BCAR1: variants seen among roughly 807,000 people sequenced by gnomAD.
BCAR1 encodes BCAR1 scaffold protein, Cas family member.
A neutral mutation model predicts 67.6 loss-of-function variants in BCAR1; 30 were observed. That is an observed-to-expected ratio of 0.44 (90% CI 0.33 to 0.60). The LOEUF (loss-of-function observed/expected upper bound fraction) is 0.60. BCAR1 is among the 20% of genes least tolerant of loss of function. The pLI is 0.02. For synonymous variants in BCAR1, 626 were observed against 556.7 expected (o/e 1.12, Z -1.75); for missense variants, 1,313 against 1,222.3 (o/e 1.07, Z -1.11).
intron 1 of BCAR1, among the ~76,000 whole-genome samples, chr16:75,265,555 G>C (rs1485787294): frequency 6.6e-6 from 1 of 151,926 alleles, no homozygotes; most frequent in African/African-American, 2.4e-5. Context: ...GAGTCTTCCC[G>C]ACCTAGCCAT....
chr16:75,251,330 AAGG>A, intron 1 of BCAR1, 138 bp downstream of exon 1: 1 of 1,194,986 alleles, frequency 8.4e-7, no homozygotes, highest in Non-Finnish European at 1.1e-6. Flanking sequence ...GCCAGGGCAG[AAGG>A]AGATCCCAGG....
chr16:75,237,519 G>T, intron 2 of BCAR1, 175 bp from the exon 3 acceptor site: 1 of 736,820 alleles, frequency 1.4e-6, no homozygotes, highest in Non-Finnish European at 2.0e-6. Context: ...CCTTCCTCTA[G>T]CAGAACGCAG....
At chr16:75,234,279 T>C (rs992434968) in intron 5 of BCAR1, among the ~76,000 whole-genome samples, 2 of 151,838 alleles carry the variant, frequency 1.3e-5, no homozygotes, top group South Asian at 2.1e-4. Flanking sequence ...GGTGGCTTCC[T>C]AGGAAGCAAC....
chr16:75,262,202 G>A (rs1013644871), intron 1 of BCAR1, among the ~76,000 whole-genome samples: 1 of 152,196 alleles, frequency 6.6e-6, no homozygotes, highest in African/African-American at 2.4e-5. Context: ...TGAGATCCCA[G>A]GCTCTGCACG....
In BCAR1 at chr16:75,229,983, G is replaced by A. The variant is rs1264568261; in HGVS notation, c.2141C>T (p.Pro714Leu). The change falls in exon 7 of 7, where the codon CCC (proline) becomes CTC (leucine). Residue 714 changes from proline (P) to leucine (L), a missense_variant. Coordinates refer to ENST00000162330, the MANE Select transcript of BCAR1 (RefSeq NM_014567.5). ...CCAGTTGGCCAGGTCGTGGTCTATGGGCCGTGACACCTCCTGTTCCAGTCG... is the reference window on the plus strand; with the variant it reads ...CCAGTTGGCCAGGTCGTGGTCTATGAGCCGTGACACCTCCTGTTCCAGTCG... ...FERLEQEVSR[P>L]IDHDLANWTP... is the part of the protein sequence containing the mutation. 1.3e-6 allele frequency: 2 copies of A among 1,572,512 alleles called. No homozygotes were observed. The highest frequency in any genetic ancestry group is 1.7e-6 in the Non-Finnish European group (2 of 1,157,014).
At position 75,250,712 on chromosome 16, in the gene BCAR1, C is replaced by T. The variant is rs528498719; in HGVS notation, c.12+759G>A. 9.4e-4 allele frequency: 926 copies of T among 985,544 alleles called. 2 individuals carry two copies. The highest frequency in any genetic ancestry group is 4.7e-3 in the Middle Eastern group (9 of 1,914). 61.0% of individuals were successfully genotyped at this position (985,544 alleles called of 1,614,324 possible). ...CTCTCGGACCCTCGAGAGGGAGCTC[C>T]GACCCTGCTCTAGCTCTTGCGGGTC... On this transcript the variant is annotated intron_variant, in intron 1 of 6. Transcript: ENST00000162330.
chr16:75,248,029 A>C (rs1379828560), intron 1 of BCAR1: 1 of 1,404,980 alleles, frequency 7.1e-7, no homozygotes, highest in East Asian at 2.3e-5. Flanking sequence ...TTAACCCTCA[A>C]AACAACCCCA....
At chr16:75,236,146 A>ACG (rs2077125995) in intron 4 of BCAR1, 160 bp from the exon 5 acceptor site, 2 of 880,208 alleles carry the variant, frequency 2.3e-6, no homozygotes, top group South Asian at 1.8e-5. Flanking sequence ...ATGCAGAGGC[A>ACG]CGCACACAGG....
At chr16:75,232,541 C>A (rs999576916) in intron 6 of BCAR1, among the ~76,000 whole-genome samples, 4 of 152,210 alleles carry the variant, frequency 2.6e-5, no homozygotes, top group Non-Finnish European at 5.9e-5. Context: ...AGTGATCCTC[C>A]TGCCTCAGCC....
chr16:75,253,106 C>T (rs567199365), upstream of BCAR1, among the ~76,000 whole-genome samples: 1 of 151,730 alleles, frequency 6.6e-6, no homozygotes, highest in African/African-American at 2.4e-5. Context: ...TGTGCCTCCC[C>T]GACACAGCCC....
At chr16:75,255,537 A>T (rs757877060), upstream of BCAR1, among the ~76,000 whole-genome samples, 17 of 152,038 alleles carry the variant, frequency 1.1e-4, no homozygotes, top group Non-Finnish European at 2.1e-4. Flanking sequence ...CTCTACTAAA[A>T]ATACAAAAAT....
intron 1 of BCAR1, chr16:75,248,299 C>T (rs931449251): frequency 2.9e-6 from 4 of 1,403,490 alleles, no homozygotes; most frequent in African/African-American, 2.9e-5. Flanking sequence ...CACAGAGCCT[C>T]GCACATAGCA....
At position 75,235,057 on chromosome 16, in the gene BCAR1, C is replaced by A; in HGVS notation, c.1842G>T (p.Gly614=). Residue 614 remains glycine, a synonymous_variant, in exon 5 of 7, where the codon GGG becomes GGT. Transcript: ENST00000162330. The part of the protein sequence containing the change: ...LFRRTKATAP[G]PEGGGTLHPN... ...GGTGCAGGGTGCCACCCCCCTCAGG[C>A]CCCGGGGCAGTGGCCTTGGTCCGTC... The A allele has an allele frequency of 1.9e-6, 3 of 1,613,124 alleles. No homozygotes were observed. The highest frequency in any genetic ancestry group is 2.2e-5 in the East Asian group (1 of 44,878).
upstream of BCAR1, among the ~76,000 whole-genome samples, chr16:75,252,662 A>T (rs572731830): frequency 6.6e-6 from 1 of 152,252 alleles, no homozygotes; most frequent in Non-Finnish European, 1.5e-5. Context: ...GCCACGAGGC[A>T]GCCCTGGTGG....
In BCAR1 at chr16:75,229,914, C is replaced by A; in HGVS notation, c.2210G>T (p.Gly737Val). 1.2e-6 allele frequency: 2 copies of A among 1,608,052 alleles called. No individual in the cohort carries two copies. The highest frequency in any genetic ancestry group is 1.7e-6 in the Non-Finnish European group (2 of 1,175,872). The stretch of plus-strand genomic sequence containing the variant: ...GAGCAGCAGCTGCCGGTCCGAGGGC[C>A]CCAGGCCGCCTGTTCGCCCCGGGGC... ...PLAPGRTGGL[G>V]PSDRQLLLFY... is the part of the protein sequence containing the mutation. Residue 737 changes from glycine to valine, a missense_variant, in exon 7 of 7, where the codon GGG (glycine) becomes GTG (valine). Around this residue, in one of 2 missense-constraint regions of BCAR1, gnomAD observed 1,272 missense variants for 1,137.5 expected, o/e 1.12. Coordinates refer to ENST00000162330, the MANE Select transcript of BCAR1 (RefSeq NM_014567.5).
intron 2 of BCAR1, chr16:75,238,410 C>G (rs1249771079): frequency 9.4e-7 from 1 of 1,063,700 alleles, no homozygotes; most frequent in Non-Finnish European, 1.1e-6. Context: ...GGCCTCCCCG[C>G]ACATCCCCCA....
At chr16:75,243,193 T>G (rs1016891609) in intron 1 of BCAR1, 103 bp from the exon 2 acceptor site, 31 of 1,227,810 alleles carry the variant, frequency 2.5e-5, no homozygotes, top group Non-Finnish European at 3.5e-5. Context: ...GCTTTGATAC[T>G]AGGAAAAGAA....
intron 1 of BCAR1, among the ~76,000 whole-genome samples, chr16:75,245,143 C>T (rs1162350065): frequency 1.3e-5 from 2 of 152,010 alleles, no homozygotes; most frequent in Non-Finnish European, 2.9e-5. Flanking sequence ...GGGCTCAGGG[C>T]CCCCATCCCA....
chr16:75,235,867 G>T lies in BCAR1; in HGVS notation c.1032C>A (p.Thr344=). ...AKAKPFDPAR[T]PLVLAAPPPD... ...GAGGGGGCGCAGCCAGTACCAGTGG[G>T]GTGCGGGCCGGGTCAAAGGGCTTGG... Residue 344 remains threonine, a synonymous_variant, in exon 5 of 7, where the codon ACC becomes ACA. Coordinates refer to ENST00000162330, the MANE Select transcript of BCAR1 (RefSeq NM_014567.5). The T allele has an allele frequency of 6.4e-7, 1 of 1,563,860 alleles. No homozygotes were observed. The highest frequency in any genetic ancestry group is 8.7e-7 in the Non-Finnish European group (1 of 1,155,610).
Sources: gnomAD v4.1 joint callset for allele counts (sites outside exome capture counted in the v4.1 genomes callset) on GRCh38, gnomAD v4.1.1 for gene constraint, gnomAD v4.1.1 regional missense constraint, MANE v1.5 for transcripts, NCBI Gene and HGNC (gene_info 2026-07-23, HGNC 2026-07-21) for gene names.